SUCLG2: variants seen among roughly 807,000 people sequenced by gnomAD.
SUCLG2 encodes the protein succinate-CoA ligase GDP-forming subunit beta.
A neutral mutation model predicts 47.9 loss-of-function variants in SUCLG2; 42 were observed. That is an observed-to-expected ratio of 0.88 (90% CI 0.69 to 1.14). SUCLG2 has a LOEUF of 1.14. SUCLG2 is among the 50% of genes most tolerant of loss of function. The pLI is 0.00. For missense variants in SUCLG2, 571 were observed against 525.9 expected, an observed-to-expected ratio of 1.09 and a Z score of -0.84; for synonymous variants, 195 against 197.3, an observed-to-expected ratio of 0.99 and a Z score of 0.10.
chr3:67,603,065 C>T (rs552447836), intron 2 of SUCLG2, among the ~76,000 whole-genome samples: 2 of 152,266 alleles, frequency 1.3e-5, no homozygotes, highest in African/African-American at 4.8e-5. Context: ...CCGCTTCAAC[C>T]TCTCATGGAC....
intron 9 of SUCLG2, among the ~76,000 whole-genome samples, chr3:67,484,771 A>G (rs1705009270): frequency 6.6e-6 from 1 of 152,230 alleles, no homozygotes; most frequent in African/African-American, 2.4e-5. Flanking sequence ...GGCACAAATT[A>G]TCCCCAAGGA....
intron 7 of SUCLG2, among the ~76,000 whole-genome samples, chr3:67,502,948 G>A (rs1390767951): frequency 2.6e-5 from 4 of 152,196 alleles, no homozygotes; most frequent in African/African-American, 4.8e-5. Context: ...TCACACCTGT[G>A]CATAAGGCCA....
At chr3:67,526,031 A>T (rs1472120122) in intron 4 of SUCLG2, among the ~76,000 whole-genome samples, 1 of 152,198 alleles carries the variant, frequency 6.6e-6, no homozygotes, top group Non-Finnish European at 1.5e-5. Flanking sequence ...AAAGGACAAA[A>T]ATATATTGTT....
rs149334981 is a variant in SUCLG2 at position 67,609,473 on chromosome 3, C to T, written c.208G>A (p.Glu70Lys). Residue 70 changes from glutamate (E) to lysine (K), a missense_variant, in exon 2 of 11, where the codon GAG becomes AAG. By Grantham distance (56) the Glu-to-Lys change is moderately conservative. Coordinates refer to ENST00000307227, the MANE Select transcript of SUCLG2 (RefSeq NM_003848.4). ...AGCTTACTTAGTCTCTTAGCAGCCT[C>T]GAGAGCTTCATTTGCAGTGTCTGCT... is the stretch of plus-strand genomic sequence containing the variant. ...FVADTANEALEAAKRLNAKEI... is the reference protein window; with the variant it reads ...FVADTANEALKAAKRLNAKEI... 102 of 1,612,638 alleles carry T rather than the reference C, an allele frequency of 6.3e-5. No homozygotes were observed. The Admixed American group carries it at 1.0e-3, about 16-fold the overall frequency.
intron 1 of SUCLG2, among the ~76,000 whole-genome samples, chr3:67,626,298 G>T (rs1384018662): frequency 2.0e-5 from 3 of 150,800 alleles, no homozygotes; most frequent in East Asian, 2.0e-4. Flanking sequence ...GGCCACTAGG[G>T]TTATCTTTTG....
chr3:67,654,488 T>C lies in SUCLG2; in HGVS notation c.84+15A>G. 1 of 1,234,482 alleles carries C rather than the reference T, an allele frequency of 8.1e-7. No homozygotes were observed. Among genetic ancestry groups the C allele is most frequent in the East Asian group, 3.1e-5 (1 of 31,780 alleles). The allele number at this position is 1,234,482 out of a possible 1,614,324, so 76.5% of individuals were successfully genotyped here. The stretch of plus-strand genomic sequence containing the variant: ...CGCCGCTGCTGGCGCCCGCAGCTCC[T>C]GCCCCCACGCTCACCTGGGACCCGG... On this transcript the variant is annotated intron_variant, in intron 1 of 10. Coordinates refer to ENST00000307227, the MANE Select transcript of SUCLG2 (RefSeq NM_003848.4).
chr3:67,548,426 T>G (rs1455433402), intron 2 of SUCLG2, among the ~76,000 whole-genome samples: 6 of 152,254 alleles, frequency 3.9e-5, no homozygotes, highest in African/African-American at 1.4e-4. Flanking sequence ...TATTTTTTCA[T>G]GCAATTCAGA....
intron 2 of SUCLG2, among the ~76,000 whole-genome samples, chr3:67,531,903 T>A (rs988115754): frequency 3.3e-5 from 5 of 152,214 alleles, no homozygotes; most frequent in Admixed American, 3.3e-4. Context: ...TTGATTCACA[T>A]GTACTAAATG....
chr3:67,500,374 A>G (rs1353554805), intron 7 of SUCLG2, among the ~76,000 whole-genome samples: 1 of 152,206 alleles, frequency 6.6e-6, no homozygotes, highest in Non-Finnish European at 1.5e-5. Context: ...AAGTATATAT[A>G]TAGACCGCAC....
At chr3:67,450,983 C>A (rs986597995) in intron 9 of SUCLG2, among the ~76,000 whole-genome samples, 5 of 152,184 alleles carry the variant, frequency 3.3e-5, no homozygotes, top group African/African-American at 9.7e-5. Context: ...CTGTGCTAGG[C>A]CTTGTCCTAG....
chr3:67,371,323 T>G (rs1461964347), downstream of SUCLG2, among the ~76,000 whole-genome samples: 1 of 152,222 alleles, frequency 6.6e-6, no homozygotes, highest in Non-Finnish European at 1.5e-5. Context: ...GCTCCTGGCT[T>G]ACTTAGAATA....
intron 9 of SUCLG2, among the ~76,000 whole-genome samples, chr3:67,401,588 A>C (rs1336935322): frequency 5.9e-5 from 9 of 151,998 alleles, no homozygotes; most frequent in South Asian, 2.1e-4. Context: ...AAAAAAAAAA[A>C]AAACAAACTC....
intron 10 of SUCLG2, among the ~76,000 whole-genome samples, chr3:67,385,165 C>T (rs1057286370): frequency 1.3e-5 from 2 of 152,186 alleles, no homozygotes; most frequent in Non-Finnish European, 2.9e-5. Context: ...CCCGAGAGCA[C>T]GCAGTGGTGT....
At chr3:67,640,166 G>A (rs1701075567) in intron 1 of SUCLG2, among the ~76,000 whole-genome samples, 2 of 152,186 alleles carry the variant, frequency 1.3e-5, no homozygotes, top group South Asian at 4.1e-4. Flanking sequence ...CAGTAACAAT[G>A]AATTCAGCAC....
chr3:67,473,330 T>G (rs1040926081), intron 9 of SUCLG2, among the ~76,000 whole-genome samples: 1 of 152,186 alleles, frequency 6.6e-6, no homozygotes, highest in African/African-American at 2.4e-5. Context: ...TTTTCTGTAT[T>G]CCAAATCCTT....
In SUCLG2 at chr3:67,620,894, G is replaced by T. The variant is rs554947861; in HGVS notation, c.85-11298C>A. Among the ~76,000 whole-genome samples the T allele has an allele frequency of 6.6e-5, 10 of 152,324 alleles. No homozygotes were observed. The South Asian group carries it at 1.2e-3, about 19-fold the overall frequency. On this transcript the variant is annotated intron_variant, in intron 1 of 10. Coordinates refer to ENST00000307227, the MANE Select transcript of SUCLG2 (RefSeq NM_003848.4). ...TGCAGGTGCTGGTAAGGCAAATACA[G>T]AGTTTAGACTTCATTCACTCAGTTT...
At chr3:67,493,314 G>A (rs1705250375) in intron 9 of SUCLG2, among the ~76,000 whole-genome samples, 1 of 152,194 alleles carries the variant, frequency 6.6e-6, no homozygotes, top group Non-Finnish European at 1.5e-5. Flanking sequence ...AAAAAGTACT[G>A]TGAGATGAGC....
intron 2 of SUCLG2, among the ~76,000 whole-genome samples, chr3:67,537,538 A>G (rs1289096938): frequency 6.6e-6 from 1 of 152,198 alleles, no homozygotes; most frequent in Non-Finnish European, 1.5e-5. Flanking sequence ...ATACGTGTGC[A>G]TGTGTCTATA....
At chr3:67,433,105 C>G (rs1294968095) in intron 9 of SUCLG2, among the ~76,000 whole-genome samples, 2 of 152,050 alleles carry the variant, frequency 1.3e-5, no homozygotes, top group Non-Finnish European at 2.9e-5. Context: ...TTTTTCCTCA[C>G]TGTACTTCTG....
Sources: allele counts gnomAD v4.1 joint callset (sites outside exome capture counted in the v4.1 genomes callset), GRCh38; gene constraint gnomAD v4.1.1; transcripts MANE v1.5; gene names NCBI Gene and HGNC (gene_info 2026-07-23, HGNC 2026-07-21).